The following TNFSF4 variants were observed in gnomAD, a reference collection of about 807,000 sequenced individuals.
TNFSF4 encodes TNF superfamily member 4.
TNFSF4 carries 4 observed loss-of-function variants against 7.3 expected under a neutral mutation model. The ratio of observed to expected loss-of-function variants is 0.55; its 90% confidence interval spans 0.27 to 1.25. TNFSF4 has a LOEUF of 1.25. Among genes scored for constraint, TNFSF4 ranks in the 50% most tolerant of loss-of-function variants. The pLI, the probability that TNFSF4 is intolerant of heterozygous loss-of-function variation, is 0.12. For missense variants in TNFSF4, 181 were observed against 208.8 expected, an observed-to-expected ratio of 0.87 and a Z score of 0.82; for synonymous variants, 76 against 83.7, an observed-to-expected ratio of 0.91 and a Z score of 0.50.
chr1:173,343,008 C>T, the TNFSF4 span, among the ~76,000 whole-genome samples: 1 of 152,138 alleles, frequency 6.6e-6, no homozygotes, highest in Non-Finnish European at 1.5e-5. Context: ...TGTGGTGGTG[C>T]AATAAGGGAT....
chr1:173,343,489 G>C, the TNFSF4 span, among the ~76,000 whole-genome samples: 1 of 152,180 alleles, frequency 6.6e-6, no homozygotes, highest in African/African-American at 2.4e-5. Flanking sequence ...AAAGGATATG[G>C]TGATGCAGCA....
At chr1:173,342,265 G>T in the TNFSF4 span, among the ~76,000 whole-genome samples, 3 of 152,180 alleles carry the variant, frequency 2.0e-5, no homozygotes, top group South Asian at 4.2e-4. Flanking sequence ...CCTCTGGAAG[G>T]CCCAGTGTTC....
At chr1:173,252,942 T>C in the TNFSF4 span, among the ~76,000 whole-genome samples, 3 of 152,220 alleles carry the variant, frequency 2.0e-5, no homozygotes, top group African/African-American at 7.2e-5. Context: ...CTTGAAATCT[T>C]ACATGCCTCC....
the TNFSF4 span, among the ~76,000 whole-genome samples, chr1:173,249,422 T>G: frequency 2.6e-5 from 4 of 152,226 alleles, no homozygotes; most frequent in Non-Finnish European, 5.9e-5. Context: ...CCATTCAATT[T>G]CTACAATATC....
the TNFSF4 span, among the ~76,000 whole-genome samples, chr1:173,244,425 G>A: frequency 6.6e-6 from 1 of 151,980 alleles, no homozygotes; most frequent in African/African-American, 2.4e-5. Flanking sequence ...GGCGGATCAC[G>A]AGGTCAGGAG....
At chr1:173,311,344 G>A in the TNFSF4 span, among the ~76,000 whole-genome samples, 1 of 152,012 alleles carries the variant, frequency 6.6e-6, no homozygotes, top group South Asian at 2.1e-4. Flanking sequence ...GAAGTAATAT[G>A]GGATTTGCTA....
chr1:173,238,485 G>T, the TNFSF4 span, among the ~76,000 whole-genome samples: 1 of 152,016 alleles, frequency 6.6e-6, no homozygotes, highest in Non-Finnish European at 1.5e-5. Context: ...CAGAATGGGA[G>T]ATAAATATCT....
chr1:173,243,592 C>T, the TNFSF4 span, among the ~76,000 whole-genome samples: 11 of 152,328 alleles, frequency 7.2e-5, no homozygotes, highest in South Asian at 2.3e-3. Flanking sequence ...ATCCCCAAAA[C>T]AAAACATGAA....
the TNFSF4 span, among the ~76,000 whole-genome samples, chr1:173,435,399 A>G: frequency 3.3e-5 from 5 of 152,206 alleles, no homozygotes; most frequent in Non-Finnish European, 7.3e-5. Flanking sequence ...TATTTGGTGT[A>G]AGGATGTAAC....
At chr1:173,424,384 C>T in the TNFSF4 span, among the ~76,000 whole-genome samples, 6 of 152,304 alleles carry the variant, frequency 3.9e-5, no homozygotes, top group East Asian at 5.8e-4. Flanking sequence ...CTATCTATAA[C>T]GAAAGGCACA....
chr1:173,399,689 A>C, the TNFSF4 span, among the ~76,000 whole-genome samples: 1 of 152,044 alleles, frequency 6.6e-6, no homozygotes, highest in African/African-American at 2.4e-5. Flanking sequence ...GTATTTTAAT[A>C]ATCAAATGGA....
At chr1:173,445,772 C>T in the TNFSF4 span, among the ~76,000 whole-genome samples, 12 of 152,162 alleles carry the variant, frequency 7.9e-5, no homozygotes, top group South Asian at 2.1e-4. Context: ...TGGGGAGTCC[C>T]GGAGATAAGA....
chr1:173,224,029 G>T, the TNFSF4 span, among the ~76,000 whole-genome samples: 2 of 152,184 alleles, frequency 1.3e-5, no homozygotes, highest in African/African-American at 4.8e-5. Flanking sequence ...TTCCTCCTCA[G>T]AAAAGGAAGC....
the TNFSF4 span, among the ~76,000 whole-genome samples, chr1:173,326,435 C>T: frequency 1.3e-5 from 2 of 152,152 alleles, no homozygotes; most frequent in African/African-American, 4.8e-5. Context: ...AAACTGGAAC[C>T]ATTCCCTTTG....
chr1:173,206,955 T>C, intron 1 of TNFSF4, 69 bp downstream of exon 1: 1 of 1,499,612 alleles, frequency 6.7e-7, no homozygotes, highest in South Asian at 1.3e-5. Flanking sequence ...TCCAAGCGAC[T>C]GTTTGCAGCT....
the TNFSF4 span, among the ~76,000 whole-genome samples, chr1:173,291,554 C>T: frequency 6.6e-6 from 1 of 152,052 alleles, no homozygotes; most frequent in Non-Finnish European, 1.5e-5. Context: ...GTAGGAAGAT[C>T]TCAAATTAAT....
chr1:173,274,304 T>G, the TNFSF4 span, among the ~76,000 whole-genome samples: 1 of 152,166 alleles, frequency 6.6e-6, no homozygotes, highest in Non-Finnish European at 1.5e-5. Flanking sequence ...ATTTCATAAT[T>G]TATTCAAGCA....
the TNFSF4 span, chr1:173,418,313 G>A: frequency 3.9e-5 from 6 of 152,206 alleles, no homozygotes; most frequent in Non-Finnish European, 5.9e-5. Flanking sequence ...GAGGAACAGG[G>A]GTCTGAAATG....
the TNFSF4 span, among the ~76,000 whole-genome samples, chr1:173,377,354 G>C: frequency 6.6e-6 from 1 of 152,256 alleles, no homozygotes; most frequent in African/African-American, 2.4e-5. Flanking sequence ...TCTGGAAAAG[G>C]GCTCTCTAAC....
Sources: gnomAD v4.1 joint callset for allele counts (sites outside exome capture counted in the v4.1 genomes callset) on GRCh38, gnomAD v4.1.1 for gene constraint, MANE v1.5 for transcripts, NCBI Gene and HGNC (gene_info 2026-07-23, HGNC 2026-07-21) for gene names.